The following TG variants were observed in gnomAD, a reference collection of about 807,000 sequenced individuals.
The protein encoded by TG is thyroglobulin, also known as thyroid hormones.
A neutral mutation model predicts 324.7 loss-of-function variants in TG; 270 were observed. The ratio of observed to expected loss-of-function variants is 0.83; its 90% CI spans 0.75 to 0.92. TG has a LOEUF of 0.92. TG is among the 40% of genes least tolerant of loss of function. TG has a pLI of 0.00. For synonymous variants in TG, 1,401 were observed against 1,327.0 expected, an observed-to-expected ratio of 1.06 and a Z score of -1.21; for missense variants, 3,591 against 3,456.4, an observed-to-expected ratio of 1.04 and a Z score of -0.98.
chr8:132,899,670 C>T (rs926124415), intron 14 of TG, among the ~76,000 whole-genome samples: 2 of 152,172 alleles, frequency 1.3e-5, no homozygotes, highest in Non-Finnish European at 2.9e-5. Context: ...GGCTGGAAAG[C>T]ACCTACTGTT....
Position 132,887,477 on chromosome 8 carries a change from A to G in TG, c.2105A>G (p.Glu702Gly), listed in dbSNP as rs753535476. ...CTGCCTGTCCAGTGCTTCAACTCAG[A>G]GTGCTACTGTGTTGATGCTGAGGGT... is the stretch of plus-strand genomic sequence containing the variant. ...HFLPVQCFNS[E>G]CYCVDAEGQA... The change falls in exon 9 of 48, where the codon GAG becomes GGG. Residue 702 changes from glutamate to glycine, a missense_variant. Transcript: ENST00000220616. The G allele has an allele frequency of 6.2e-7, 1 of 1,614,106 alleles. No individual in the cohort carries two copies. The highest frequency in any genetic ancestry group is 8.5e-7 in the Non-Finnish European group (1 of 1,180,014).
intron 45 of TG, among the ~76,000 whole-genome samples, chr8:133,121,758 G>A (rs1322970982): frequency 6.6e-6 from 1 of 152,156 alleles, no homozygotes; most frequent in Admixed American, 6.5e-5. Context: ...ACAGAGACAG[G>A]CAAATAGTGC....
In TG at chr8:132,963,075, G is replaced by T; in HGVS notation, c.5548+1G>T. ...AGGCCAGCATCTCCAACAGAAGCAGGTACTGACCCCCAAACCTTCTTACAC... is the reference window on the plus strand; with the variant it reads ...AGGCCAGCATCTCCAACAGAAGCAGTTACTGACCCCCAAACCTTCTTACAC... On this transcript the variant is annotated splice_donor_variant, in intron 29 of 47. Coordinates refer to ENST00000220616, the MANE Select transcript of TG (RefSeq NM_003235.5). LOFTEE classifies it high-confidence loss of function. 6.2e-7 allele frequency: 1 copy of T among 1,614,022 alleles called. No individual in the cohort carries two copies. Among genetic ancestry groups the T allele is most frequent in the Non-Finnish European group, 8.5e-7 (1 of 1,179,890 alleles).
At chr8:132,983,449 AC>A (rs1379449229) in intron 35 of TG, 37 bp downstream of exon 35, 1 of 1,569,552 alleles carries the variant, frequency 6.4e-7, no homozygotes. Context: ...GGATGAGAGT[AC>A]CCCCTCATTC....
Position 132,881,932 on chromosome 8 carries a change from C to T in TG, c.708C>T (p.His236=). 1.2e-6 allele frequency: 2 copies of T among 1,614,126 alleles called. No homozygotes were observed. The highest frequency in any genetic ancestry group is 1.7e-6 in the Non-Finnish European group (2 of 1,179,944). ...TCCCTGAGGTATCTGGGTATTGCCA[C>T]TGTGCTGACAGCCAAGGGCGGGAAC... is the stretch of plus-strand genomic sequence containing the variant. ...RRFPEVSGYC[H]CADSQGRELA... is the part of the protein sequence containing the mutation. Residue 236 remains histidine, a synonymous_variant, in exon 6 of 48, where the codon CAC becomes CAT. Coordinates refer to ENST00000220616, the MANE Select transcript of TG (RefSeq NM_003235.5).
chr8:133,132,047 T>C (rs1588154470), intron 46 of TG, 101 bp downstream of exon 46: 1 of 1,546,828 alleles, frequency 6.5e-7, no homozygotes, highest in Admixed American at 1.7e-5. Flanking sequence ...AGACTCATCC[T>C]TTCCTCCGTA....
chr8:132,891,130 G>T lies in TG; in HGVS notation c.2762-2560G>T, dbSNP rs547997675. Among the ~76,000 whole-genome samples, 16 of 152,206 alleles carry T rather than the reference G, an allele frequency of 1.1e-4. No homozygotes were observed. In the East Asian group the frequency reaches 3.1e-3, roughly 29 times the overall value. On this transcript the variant is annotated intron_variant, in intron 10 of 47. Transcript: ENST00000220616. The stretch of plus-strand genomic sequence containing the variant: ...GGGGCTACTAACTCATTGAAGATTG[G>T]GGTAAAGATTAGCTTGACCCCAACT...
At chr8:133,079,188 T>A (rs979791344) in intron 41 of TG, among the ~76,000 whole-genome samples, 1 of 152,200 alleles carries the variant, frequency 6.6e-6, no homozygotes, top group Non-Finnish European at 1.5e-5. Context: ...ACTGGCCGAA[T>A]GACACTGTCA....
chr8:133,104,629 A>G (rs921517979), intron 43 of TG, among the ~76,000 whole-genome samples: 2 of 152,232 alleles, frequency 1.3e-5, no homozygotes, highest in African/African-American at 4.8e-5. Context: ...AAGCATTTCC[A>G]AAAGGAAGCA....
At chr8:133,104,504 A>G (rs1326075561) in intron 43 of TG, among the ~76,000 whole-genome samples, 1 of 152,156 alleles carries the variant, frequency 6.6e-6, no homozygotes, top group Admixed American at 6.5e-5. Context: ...TTTGGGATAT[A>G]TCTCGCGTTG....
chr8:132,991,850 C>A lies in TG; in HGVS notation c.6262+8438C>A, dbSNP rs549937357. On this transcript the variant is annotated intron_variant, in intron 35 of 47. Coordinates refer to ENST00000220616, the MANE Select transcript of TG (RefSeq NM_003235.5). Reference sequence around the variant, plus strand: ...CTGGGCACAGCCTCACATCTGGCAGCCCCCTGGACCTCTTCTCTGTCTCTC... The same window carrying A: ...CTGGGCACAGCCTCACATCTGGCAGACCCCTGGACCTCTTCTCTGTCTCTC... Among the ~76,000 whole-genome samples the A allele has an allele frequency of 7.1e-4, 108 of 152,156 alleles. 1 individual carries two copies. Among genetic ancestry groups the A allele is most frequent in the Middle Eastern group, 3.4e-3 (1 of 294 alleles).
At position 132,941,463 on chromosome 8, in the gene TG, C is replaced by A. The variant is rs765209130; in HGVS notation, c.5154C>A (p.Thr1718=). 1 of 1,614,172 alleles carries A rather than the reference C, an allele frequency of 6.2e-7. No homozygotes were observed. The highest frequency in any genetic ancestry group is 1.3e-5 in the African/African-American group (1 of 75,040). ...TCTCAGCCTCAGGAGCCAATCTAAC[C>A]GATGCTCACCTCTTCTGTCTTCTTG... The part of the protein sequence containing the change: ...IVFSASGANL[T]DAHLFCLLAC... The change falls in exon 26 of 48, where the codon ACC becomes ACA. Residue 1718 remains threonine (T), a synonymous_variant. Coordinates refer to ENST00000220616, the MANE Select transcript of TG (RefSeq NM_003235.5).
chr8:133,013,661 A>T lies in TG; in HGVS notation c.6459A>T (p.Arg2153Ser), dbSNP rs141340310. ...TGCAAACCCAACCTGGGGCTGTGAG[A>T]TGTATGTTCTATGCTGATACTCAAA... Reference protein sequence around the residue: ...TTLQTQPGAVRCMFYADTQSC... With the variant: ...TTLQTQPGAVSCMFYADTQSC... Residue 2153 changes from arginine (R) to serine (S), a missense_variant, in exon 37 of 48, where the codon AGA becomes AGT. Transcript: ENST00000220616. 1.2e-6 allele frequency: 2 copies of T among 1,614,160 alleles called. No homozygotes were observed. The highest frequency in any genetic ancestry group is 1.7e-6 in the Non-Finnish European group (2 of 1,180,028).
intron 5 of TG, among the ~76,000 whole-genome samples, chr8:132,880,620 TTG>T (rs1324258938): frequency 1.5e-4 from 23 of 152,220 alleles, no homozygotes; most frequent in African/African-American, 5.3e-4. Flanking sequence ...TTTCTAGCTT[TTG>T]TTTTGCATAT....
At position 132,935,501 on chromosome 8, in the gene TG, T is replaced by C. The variant is rs2739060; in HGVS notation, c.4933-255T>C. On this transcript the variant is annotated intron_variant, in intron 24 of 47. Coordinates refer to ENST00000220616, the MANE Select transcript of TG (RefSeq NM_003235.5). ...CAGACTCACTTTTTCTGGGAAACTT[T>C]TCTAGCTTCTCTTTCTGAATGGAAT... Among the ~76,000 whole-genome samples the C allele has an allele frequency of 0.64, 97,123 of 151,946 alleles. 31,942 individuals are homozygous for C. Among genetic ancestry groups the C allele is most frequent in the East Asian group, 0.76 (3,912 of 5,148 alleles).
chr8:132,919,666 T>C, intron 21 of TG, 141 bp downstream of exon 21: 1 of 1,167,584 alleles, frequency 8.6e-7, no homozygotes, highest in African/African-American at 1.5e-5. Flanking sequence ...GTAGGATATT[T>C]AGTAGCATTG....
chr8:133,094,614 G>T (rs995940006), intron 41 of TG: 57 of 276,138 alleles, frequency 2.1e-4, no homozygotes, highest in African/African-American at 1.2e-3. Context: ...TTAAAGTCCA[G>T]CTCCATCTTA....
At chr8:132,869,870 A>G (rs1421821806) in intron 3 of TG, 44 bp downstream of exon 3, 1 of 1,569,182 alleles carries the variant, frequency 6.4e-7, no homozygotes, top group South Asian at 1.1e-5. Context: ...CCCTGCTAGG[A>G]CAACTCACTT....
Position 133,069,856 on chromosome 8 carries a change from G to C in TG, c.7240-25188G>C, listed in dbSNP as rs138081600. Among the ~76,000 whole-genome samples the C allele has an allele frequency of 3.2e-3, 484 of 151,886 alleles. 6 individuals carry two copies. The highest frequency in any genetic ancestry group is 0.011 in the African/African-American group (455 of 41,408). ...ATCTTGACTAAAAATACAAAAATCA[G>C]CTGGGCGTGGTGGCAGGTGCTGAAA... On this transcript the variant is annotated intron_variant, in intron 41 of 47. Transcript: ENST00000220616.
Sources: gnomAD v4.1 joint callset for allele counts (sites outside exome capture counted in the v4.1 genomes callset) on GRCh38, gnomAD v4.1.1 for gene constraint, MANE v1.5 for transcripts, NCBI Gene and HGNC (gene_info 2026-07-23, HGNC 2026-07-21) for gene names.